CHRM5: variants seen among roughly 807,000 people sequenced by gnomAD.
The protein encoded by CHRM5 is muscarinic acetylcholine receptor M5.
Under a neutral mutation model 39.0 loss-of-function variants are expected in CHRM5, and 18 were observed. The ratio of observed to expected loss-of-function variants is 0.46; its 90% CI spans 0.32 to 0.68. The LOEUF (loss-of-function observed/expected upper bound fraction) is 0.68. Ranked by LOEUF, CHRM5 falls within the 30% of genes least tolerant of loss-of-function variation. The probability of loss-of-function intolerance (pLI) is 0.04; values close to 1 mark genes in which losing one functional copy is unlikely to be tolerated. For missense variants in CHRM5, 515 were observed against 651.1 expected (o/e 0.79, Z 2.28); for synonymous variants, 241 against 246.3 (o/e 0.98, Z 0.20).
chr15:33,983,223 T>TATACACACACAC (rs1175801204), intron 1 of CHRM5, among the ~76,000 whole-genome samples: 4 of 110,626 alleles, frequency 3.6e-5, no homozygotes, highest in East Asian at 3.1e-4. Context: ...TACATATATA[T>TATACACACACAC]ACACACACAT....
intron 1 of CHRM5, chr15:33,990,964 A>G (rs1405141608): frequency 1.3e-5 from 2 of 152,182 alleles, no homozygotes; most frequent in Admixed American, 1.3e-4. Context: ...TTTTCCAAAC[A>G]AACCTCCCTC....
chr15:34,052,111 A>C (rs1899943826), intron 2 of CHRM5, among the ~76,000 whole-genome samples: 2 of 151,342 alleles, frequency 1.3e-5, no homozygotes, highest in Non-Finnish European at 2.9e-5. Flanking sequence ...AAATACTGGC[A>C]AATGAAATCC....
intron 1 of CHRM5, among the ~76,000 whole-genome samples, chr15:33,984,356 T>C (rs956930852): frequency 6.6e-6 from 1 of 152,056 alleles, no homozygotes; most frequent in Non-Finnish European, 1.5e-5. Flanking sequence ...ATACAAGATA[T>C]TCTGCAAACT....
chr15:33,984,862 T>C (rs1462567533), intron 1 of CHRM5, among the ~76,000 whole-genome samples: 1 of 152,144 alleles, frequency 6.6e-6, no homozygotes, highest in African/African-American at 2.4e-5. Context: ...CATTCACTCA[T>C]TCAGCAAGCT....
intron 1 of CHRM5, among the ~76,000 whole-genome samples, chr15:34,014,491 A>C (rs1897794269): frequency 6.6e-6 from 1 of 152,080 alleles, no homozygotes; most frequent in Non-Finnish European, 1.5e-5. Flanking sequence ...GGGTAACAAA[A>C]TCAAAAATCC....
intron 1 of CHRM5, among the ~76,000 whole-genome samples, chr15:34,039,694 G>C (rs968611452): frequency 6.6e-6 from 1 of 152,198 alleles, no homozygotes; most frequent in Non-Finnish European, 1.5e-5. Flanking sequence ...GGGCGTCAAA[G>C]TCCTCAGCAG....
At chr15:34,008,978 A>C (rs1334937310) in intron 1 of CHRM5, among the ~76,000 whole-genome samples, 8 of 135,548 alleles carry the variant, frequency 5.9e-5, no homozygotes, top group East Asian at 2.1e-4. Context: ...ACACACACAG[A>C]CCATCGAGAA....
intron 1 of CHRM5, among the ~76,000 whole-genome samples, chr15:34,020,335 G>A (rs1898151754): frequency 6.6e-6 from 1 of 151,990 alleles, no homozygotes; most frequent in Non-Finnish European, 1.5e-5. Context: ...AAAAAATAGA[G>A]GTTTTAAAAG....
At chr15:34,038,697 C>T (rs1176256620) in intron 1 of CHRM5, 21 of 1,092,414 alleles carry the variant, frequency 1.9e-5, no homozygotes, top group South Asian at 4.5e-5. Context: ...CTGGCACGCT[C>T]TCTTGCGGCT....
intron 1 of CHRM5, among the ~76,000 whole-genome samples, chr15:34,043,191 G>A (rs893670112): frequency 2.1e-4 from 32 of 149,234 alleles, no homozygotes; most frequent in South Asian, 2.1e-4. Context: ...AGCTTGCAGT[G>A]AGCCGAGATC....
intron 2 of CHRM5, among the ~76,000 whole-genome samples, chr15:34,055,256 G>A (rs1474809963): frequency 2.0e-5 from 3 of 151,466 alleles, no homozygotes; most frequent in Non-Finnish European, 4.4e-5. Flanking sequence ...CCCAGCATTT[G>A]GGAGGCCGAG....
chr15:33,985,784 ACG>A, intron 1 of CHRM5, among the ~76,000 whole-genome samples: 1 of 152,140 alleles, frequency 6.6e-6, no homozygotes. Flanking sequence ...GTGGCCATGT[ACG>A]CAGTCACTTA....
Position 34,062,652 on chromosome 15 carries a change from A to G in CHRM5, c.-66A>G, listed in dbSNP as rs562601294. The G allele has an allele frequency of 1.2e-5, 18 of 1,482,728 alleles. No individual in the cohort carries two copies. Among genetic ancestry groups the G allele is most frequent in the Non-Finnish European group, 1.6e-5 (18 of 1,095,100 alleles). 91.8% of individuals were successfully genotyped at this position (1,482,728 alleles called of 1,614,324 possible). ...TTTCCCTCTCTTCCAGATGCTGGCC[A>G]AGAAGAGCTGAAATAGAAAACAGCC... On this transcript the variant is annotated 5_prime_UTR_variant, in exon 3 of 3. Transcript: ENST00000383263.
chr15:34,032,469 T>G (rs952044508), intron 1 of CHRM5, among the ~76,000 whole-genome samples: 1 of 152,198 alleles, frequency 6.6e-6, no homozygotes, highest in Non-Finnish European at 1.5e-5. Flanking sequence ...AGAGTAACAC[T>G]ATTAAGAATG....
intron 1 of CHRM5, among the ~76,000 whole-genome samples, chr15:34,024,361 C>T (rs1181806986): frequency 6.6e-6 from 1 of 151,638 alleles, no homozygotes; most frequent in Non-Finnish European, 1.5e-5. Context: ...ATGAAGAAAC[C>T]TCTGAAGGCT....
intron 1 of CHRM5, among the ~76,000 whole-genome samples, chr15:33,990,393 A>T (rs1307967407): frequency 6.6e-6 from 1 of 152,082 alleles, no homozygotes; most frequent in East Asian, 1.9e-4. Flanking sequence ...AAAAAAAAAG[A>T]AAAGAAAAGA....
rs1170415459 is a variant in CHRM5, at chr15:33,971,161, T to C, written c.-408+2011T>C. 3.9e-5 allele frequency among the ~76,000 whole-genome samples: 6 copies of C among 152,092 alleles called. No individual in the cohort carries two copies. The East Asian group carries it at 1.2e-3, about 29-fold the overall frequency. On this transcript the variant is annotated intron_variant, in intron 1 of 2. Transcript: ENST00000383263. ...TATGCTAGTACCTGAAGATTTGGTT[T>C]ATTTATAACAACTTTTCCCTGTTAT...
chr15:34,034,425 A>C (rs1475095750), intron 1 of CHRM5, among the ~76,000 whole-genome samples: 1 of 148,216 alleles, frequency 6.7e-6, no homozygotes, highest in African/African-American at 2.5e-5. Flanking sequence ...TGAGCAACAA[A>C]GTGAGACCCA....
intron 1 of CHRM5, among the ~76,000 whole-genome samples, chr15:34,035,886 C>T (rs893179461): frequency 6.6e-6 from 1 of 152,146 alleles, no homozygotes; most frequent in African/African-American, 2.4e-5. Context: ...CCTCCACCTC[C>T]GGGGCTCAAA....
Sources: allele counts gnomAD v4.1 joint callset (sites outside exome capture counted in the v4.1 genomes callset), GRCh38; gene constraint gnomAD v4.1.1; transcripts MANE v1.5; gene names NCBI Gene and HGNC (gene_info 2026-07-23, HGNC 2026-07-21).